The following PLEKHH2 variants were observed in gnomAD, a reference collection of about 807,000 sequenced individuals.
The protein encoded by PLEKHH2 is pleckstrin homology domain-containing family H member 2.
In PLEKHH2, 129 loss-of-function variants were observed where a neutral mutation model predicts 187.9. That is an observed-to-expected ratio of 0.69 (90% CI 0.59 to 0.79). The LOEUF (loss-of-function observed/expected upper bound fraction) is 0.79, where lower values mean the gene tolerates loss of function less well. PLEKHH2 is among the 30% of genes least tolerant of loss of function. PLEKHH2 has a pLI of 0.00. For missense variants in PLEKHH2, 2,076 were observed against 1,751.2 expected, an observed-to-expected ratio of 1.19 and a Z score of -3.31; for synonymous variants, 686 against 605.6, an observed-to-expected ratio of 1.13 and a Z score of -1.95.
intron 25 of PLEKHH2, among the ~76,000 whole-genome samples, chr2:43,755,554 A>T (rs1334261177): frequency 6.6e-6 from 1 of 152,084 alleles, no homozygotes; most frequent in East Asian, 1.9e-4. Context: ...ATAACTAATG[A>T]CTCCAAAACT....
intron 21 of PLEKHH2, among the ~76,000 whole-genome samples, chr2:43,742,302 T>C (rs1046894235): frequency 1.3e-5 from 2 of 150,942 alleles, no homozygotes; most frequent in African/African-American, 4.9e-5. Flanking sequence ...ATGCCTGGCC[T>C]GAAGACATTT....
At chr2:43,704,771 G>T (rs1021491441) in intron 9 of PLEKHH2, among the ~76,000 whole-genome samples, 1 of 150,036 alleles carries the variant, frequency 6.7e-6, no homozygotes, top group Non-Finnish European at 1.5e-5. Context: ...TATTTCATTC[G>T]CTAAGAACTT....
At chr2:43,654,704 ACCCC>A (rs34057211) in intron 2 of PLEKHH2, among the ~76,000 whole-genome samples, 57,591 of 112,218 alleles carry the variant, frequency 0.51, 12,696 homozygotes, top group African/African-American at 0.54. Flanking sequence ...ATAGTAAGAC[ACCCC>A]CCCCCCCCGC....
At chr2:43,667,229 T>C (rs1574500487) in intron 2 of PLEKHH2, among the ~76,000 whole-genome samples, 1 of 152,194 alleles carries the variant, frequency 6.6e-6, no homozygotes, top group African/African-American at 2.4e-5. Context: ...CTCTCTCCTT[T>C]TAATTACCTG....
intron 2 of PLEKHH2, among the ~76,000 whole-genome samples, chr2:43,654,219 G>C (rs191443864): frequency 6.6e-6 from 1 of 152,026 alleles, no homozygotes; most frequent in Non-Finnish European, 1.5e-5. Context: ...TTATTGAGAC[G>C]GAGTCTTGCT....
At chr2:43,758,643 T>C (rs1051780240) in intron 26 of PLEKHH2, among the ~76,000 whole-genome samples, 3 of 152,202 alleles carry the variant, frequency 2.0e-5, no homozygotes, top group Non-Finnish European at 4.4e-5. Flanking sequence ...ATTCAGATTT[T>C]AAAAATGGAC....
At chr2:43,758,321 C>T (rs771450794) in intron 26 of PLEKHH2, among the ~76,000 whole-genome samples, 5 of 152,148 alleles carry the variant, frequency 3.3e-5, no homozygotes, top group African/African-American at 1.2e-4. Context: ...GGGGTGATCT[C>T]GGCTCGCTGC....
Position 43,740,999 on chromosome 2 carries a change from C to A in PLEKHH2, c.3177C>A (p.Phe1059Leu), listed in dbSNP as rs1335332424. Residue 1059 changes from phenylalanine to leucine, a missense_variant, in exon 21 of 30, where the codon TTC becomes TTA. By Grantham distance (22) the Phe-to-Leu change is conservative. Coordinates refer to ENST00000282406, the MANE Select transcript of PLEKHH2 (RefSeq NM_172069.4). The part of the protein sequence containing the change: ...CVGLFLPHHP[F>L]LWLLRLHLKR... ...GGCTCTTCCTTCCCCATCATCCTTT[C>A]CTGTGGCTCCTCAGGCTTCACCTAA... is the stretch of plus-strand genomic sequence containing the variant. 2 of 1,614,048 alleles carry A rather than the reference C, an allele frequency of 1.2e-6. No individual in the cohort carries two copies. The highest frequency in any genetic ancestry group is 1.7e-6 in the Non-Finnish European group (2 of 1,179,954).
At chr2:43,733,805 C>G (rs997258657) in intron 19 of PLEKHH2, among the ~76,000 whole-genome samples, 1 of 152,084 alleles carries the variant, frequency 6.6e-6, no homozygotes, top group Non-Finnish European at 1.5e-5. Context: ...TTATGCTGTT[C>G]TCTCTACTTT....
intron 2 of PLEKHH2, among the ~76,000 whole-genome samples, chr2:43,652,509 C>A (rs1666526735): frequency 6.6e-6 from 1 of 152,154 alleles, no homozygotes; most frequent in African/African-American, 2.4e-5. Flanking sequence ...CCACTTGGCT[C>A]CTAAAATGCT....
At chr2:43,653,437 G>A (rs1271186808) in intron 2 of PLEKHH2, among the ~76,000 whole-genome samples, 1 of 152,146 alleles carries the variant, frequency 6.6e-6, no homozygotes, top group African/African-American at 2.4e-5. Flanking sequence ...TCTGCACCGA[G>A]GCCAATTATG....
intron 17 of PLEKHH2, among the ~76,000 whole-genome samples, chr2:43,726,768 T>C (rs958278553): frequency 1.3e-5 from 2 of 152,200 alleles, no homozygotes; most frequent in Non-Finnish European, 2.9e-5. Flanking sequence ...TTTTATATTT[T>C]TGACTAATTT....
chr2:43,651,281 C>T (rs896189287), intron 2 of PLEKHH2, among the ~76,000 whole-genome samples: 1 of 151,940 alleles, frequency 6.6e-6, no homozygotes, highest in Admixed American at 6.6e-5. Flanking sequence ...CTTGGCCAAG[C>T]TGGTCTCGAA....
intron 1 of PLEKHH2, among the ~76,000 whole-genome samples, chr2:43,639,547 T>C (rs902556845): frequency 6.6e-6 from 1 of 152,190 alleles, no homozygotes; most frequent in African/African-American, 2.4e-5. Context: ...CTGGCATCTT[T>C]CACTTAGCAT....
Position 43,762,325 on chromosome 2 carries a change from G to A in PLEKHH2, c.4093G>A (p.Gly1365Arg), listed in dbSNP as rs369274271. Reference protein sequence around the residue: ...LAKPITPSSLGSTFLWLAVHE... With the variant: ...LAKPITPSSLRSTFLWLAVHE... ...ATAGCCCATAACTCCATCATCACTT[G>A]GAAGTACTTTCTTGTGGCTGGCTGT... The change falls in exon 28 of 30, where the codon GGA becomes AGA. Residue 1365 changes from glycine to arginine, a missense_variant. By Grantham distance (125) the Gly-to-Arg change is moderately radical. Coordinates refer to ENST00000282406, the MANE Select transcript of PLEKHH2 (RefSeq NM_172069.4). The A allele has an allele frequency of 1.2e-6, 2 of 1,612,188 alleles. No homozygotes were observed. The highest frequency in any genetic ancestry group is 8.5e-7 in the Non-Finnish European group (1 of 1,178,416).
intron 2 of PLEKHH2, among the ~76,000 whole-genome samples, chr2:43,656,083 C>T (rs1012068941): frequency 4.0e-5 from 6 of 151,882 alleles, no homozygotes; most frequent in Non-Finnish European, 8.8e-5. Context: ...CTCAGCCTCC[C>T]GAGTAGCTGG....
intron 23 of PLEKHH2, among the ~76,000 whole-genome samples, chr2:43,744,923 A>G (rs1417522233): frequency 1.3e-5 from 2 of 151,738 alleles, no homozygotes; most frequent in Non-Finnish European, 2.9e-5. Context: ...AAGAAAACAG[A>G]CCTGTGGAAA....
intron 3 of PLEKHH2, chr2:43,681,046 C>G: frequency 7.8e-7 from 1 of 1,290,242 alleles, no homozygotes; most frequent in Non-Finnish European, 1.1e-6. Context: ...GAATTCCTTC[C>G]TGTACCATTA....
At chr2:43,697,055 T>C (rs1572573594) in intron 6 of PLEKHH2, 116 bp from the exon 7 acceptor site, 1 of 757,848 alleles carries the variant, frequency 1.3e-6, no homozygotes, top group Non-Finnish European at 2.0e-6. Flanking sequence ...AGATGAACTT[T>C]AGGCTTTTTT....
Sources: allele counts gnomAD v4.1 joint callset (sites outside exome capture counted in the v4.1 genomes callset), GRCh38; gene constraint gnomAD v4.1.1; transcripts MANE v1.5; gene names NCBI Gene and HGNC (gene_info 2026-07-23, HGNC 2026-07-21).